The following WDFY4 variants were observed in gnomAD, a reference collection of about 807,000 sequenced individuals.
The protein encoded by WDFY4 is WD repeat- and FYVE domain-containing protein 4.
Under a neutral mutation model 351.9 loss-of-function variants are expected in WDFY4, and 169 were observed. That is an observed-to-expected ratio of 0.48 (90% confidence interval 0.42 to 0.55). WDFY4 has a LOEUF of 0.55. Among genes scored for constraint, WDFY4 ranks in the 20% least tolerant of loss-of-function variants. The pLI, the probability that WDFY4 is intolerant of heterozygous loss-of-function variation, is 0.00. For missense variants in WDFY4, 3,803 were observed against 3,935.6 expected (o/e 0.97, Z 0.90); for synonymous variants, 1,622 against 1,574.6 (o/e 1.03, Z -0.71).
At chr10:48,960,965 G>A (rs1445249263) in intron 53 of WDFY4, among the ~76,000 whole-genome samples, 1 of 152,224 alleles carries the variant, frequency 6.6e-6, no homozygotes, top group African/African-American at 2.4e-5. Context: ...GGGACTTTTT[G>A]AGCCGAGGGA....
intron 11 of WDFY4, among the ~76,000 whole-genome samples, chr10:48,740,035 C>T (rs1008551215): frequency 6.6e-6 from 1 of 152,138 alleles, no homozygotes; most frequent in African/African-American, 2.4e-5. Context: ...TAATCATTCT[C>T]CCTTCCTGAT....
At chr10:48,976,508 G>A in intron 58 of WDFY4, 1 of 230,268 alleles carries the variant, frequency 4.3e-6, no homozygotes, top group Non-Finnish European at 8.4e-6. Flanking sequence ...CAGTCAGGGT[G>A]TGGTTGGGGA....
chr10:48,774,610 C>T lies in WDFY4; in HGVS notation c.2706C>T (p.His902=). 1.3e-6 allele frequency: 2 copies of T among 1,551,746 alleles called. No homozygotes were observed. The highest frequency in any genetic ancestry group is 4.9e-5 in the East Asian group (2 of 40,924). Residue 902 remains histidine, a synonymous_variant, in exon 14 of 62, where the codon CAC becomes CAT. Transcript: ENST00000325239. Reference sequence around the variant, plus strand: ...TGGTCACCAGTGGCAGCCCCCTCCACTCACGCCTCATCAGGATCTTTGAGA... The same window carrying T: ...TGGTCACCAGTGGCAGCCCCCTCCATTCACGCCTCATCAGGATCTTTGAGA... The part of the protein sequence containing the change: ...RALVTSGSPL[H]SRLIRIFEKL...
chr10:48,778,575 A>G (rs1256429785), intron 17 of WDFY4, 36 bp from the exon 18 acceptor site: 1 of 1,542,396 alleles, frequency 6.5e-7, no homozygotes, highest in Non-Finnish European at 8.8e-7. Context: ...AGCAGGGCAG[A>G]ACAAAGCCTG....
intron 2 of WDFY4, among the ~76,000 whole-genome samples, chr10:48,713,971 C>T (rs1457675982): frequency 6.6e-6 from 1 of 152,212 alleles, no homozygotes; most frequent in Non-Finnish European, 1.5e-5. Context: ...TGAGCAGTTG[C>T]TTTCACTGAT....
intron 47 of WDFY4, among the ~76,000 whole-genome samples, chr10:48,934,004 G>C (rs1236874879): frequency 6.6e-6 from 1 of 152,050 alleles, no homozygotes; most frequent in Non-Finnish European, 1.5e-5. Flanking sequence ...GGCCCTGCAG[G>C]GTGGACAGCA....
At chr10:48,751,682 A>G (rs1251616632) in intron 12 of WDFY4, among the ~76,000 whole-genome samples, 1 of 152,164 alleles carries the variant, frequency 6.6e-6, no homozygotes, top group African/African-American at 2.4e-5. Context: ...TTTCTAATGC[A>G]TCCCTCAAGT....
intron 39 of WDFY4, among the ~76,000 whole-genome samples, chr10:48,849,591 T>A (rs953662107): frequency 6.6e-6 from 1 of 152,202 alleles, no homozygotes; most frequent in African/African-American, 2.4e-5. Flanking sequence ...AGGTTCACAG[T>A]GGGGGTTAGG....
At chr10:48,748,716 C>T (rs1565156978) in intron 12 of WDFY4, among the ~76,000 whole-genome samples, 1 of 152,072 alleles carries the variant, frequency 6.6e-6, no homozygotes, top group African/African-American at 2.4e-5. Flanking sequence ...GATACATGGC[C>T]CTTGACCTTC....
At chr10:48,848,554 G>T (rs1386406589) in intron 39 of WDFY4, among the ~76,000 whole-genome samples, 1 of 151,996 alleles carries the variant, frequency 6.6e-6, no homozygotes, top group African/African-American at 2.4e-5. Context: ...CTGACCCCTG[G>T]GGTATTTTAC....
intron 11 of WDFY4, among the ~76,000 whole-genome samples, chr10:48,741,452 CAAAAAAAAA>C (rs55984300): frequency 1.5e-5 from 1 of 66,306 alleles, no homozygotes; most frequent in Non-Finnish European, 2.5e-5. Context: ...GACTCCGTCT[CAAAAAAAAA>C]AAAAAAAAAA....
chr10:48,778,685 G>A lies in WDFY4; in HGVS notation c.3250G>A (p.Ala1084Thr). 6.4e-7 allele frequency: 1 copy of A among 1,551,634 alleles called. No homozygotes were observed. The highest frequency in any genetic ancestry group is 1.2e-5 in the South Asian group (1 of 84,054). ...CWFLISRHGA[A>T]TEGHPLRFLT... ...GTTCCTGATCAGCCGGCATGGAGCTGCCACTGAGGGCCACCCGCTGCGCTT... is the reference window on the plus strand; with the variant it reads ...GTTCCTGATCAGCCGGCATGGAGCTACCACTGAGGGCCACCCGCTGCGCTT... Residue 1084 changes from alanine (A) to threonine (T), a missense_variant, in exon 18 of 62, where the codon GCC (alanine) becomes ACC (threonine). Around this residue, in one of 3 missense-constraint regions of WDFY4, gnomAD observed 3,054 missense variants for 3,148.6 expected, o/e 0.97. Transcript: ENST00000325239.
In WDFY4 at chr10:48,736,074, AT is replaced by A. The variant is rs1386102010; in HGVS notation, c.1878+7del. 6.4e-7 allele frequency: 1 copy of A among 1,551,646 alleles called. No homozygotes were observed. Among genetic ancestry groups the A allele is most frequent in the Non-Finnish European group, 8.7e-7 (1 of 1,147,028 alleles). ...GCTGAAACTGGATCTCCTGAAGGTG[AT>A]TTCAAGTCCTCCTTTGAGATTGGCT... On this transcript the variant is annotated splice_donor_5th_base_variant and intron_variant, in intron 11 of 61. Coordinates refer to ENST00000325239, the MANE Select transcript of WDFY4 (RefSeq NM_001394531.1).
At chr10:48,817,445 T>G (rs1336568913) in intron 32 of WDFY4, 36 bp downstream of exon 32, 2 of 1,518,194 alleles carry the variant, frequency 1.3e-6, no homozygotes, top group East Asian at 5.0e-5. Context: ...GAGAGAGCAG[T>G]TGTGAGCATC....
intron 19 of WDFY4, among the ~76,000 whole-genome samples, chr10:48,784,980 C>T (rs559699770): frequency 1.3e-4 from 19 of 151,434 alleles, no homozygotes; most frequent in Admixed American, 1.2e-3. Flanking sequence ...GCCTCAGCCT[C>T]CCCAGTAGCT....
intron 2 of WDFY4, among the ~76,000 whole-genome samples, chr10:48,710,767 C>T (rs1194633254): frequency 1.3e-5 from 2 of 152,222 alleles, no homozygotes; most frequent in Non-Finnish European, 2.9e-5. Context: ...GAGCTTCACT[C>T]ACATCCCGGT....
rs577312946 is a variant in WDFY4 at position 48,824,265 on chromosome 10, G to A, written c.5982+1728G>A. On this transcript the variant is annotated intron_variant, in intron 35 of 61. Transcript: ENST00000325239. ...CTCTCTGACCCTTAGCCTCTTATCC[G>A]TACAGTGGGGTAACTTAGCGTCTAT... 3.1e-5 allele frequency: 26 copies of A among 834,400 alleles called. No homozygotes were observed. The East Asian group carries it at 9.9e-4, about 32-fold the overall frequency. 51.7% of individuals were successfully genotyped at this position (834,400 alleles called of 1,614,324 possible). A position where few individuals can be genotyped will look rare whatever the true frequency, so the allele number is the denominator to read the frequency against.
chr10:48,930,387 T>C (rs1564501502), intron 47 of WDFY4, among the ~76,000 whole-genome samples: 2 of 152,294 alleles, frequency 1.3e-5, no homozygotes, highest in South Asian at 2.1e-4. Flanking sequence ...AGGAATGCTT[T>C]CCAAATAGAC....
At chr10:48,972,314 C>A (rs770822209) in intron 57 of WDFY4, among the ~76,000 whole-genome samples, 18 of 152,158 alleles carry the variant, frequency 1.2e-4, no homozygotes, top group Non-Finnish European at 8.8e-5. Flanking sequence ...GATACTGCAA[C>A]GTTAAAGAGA....
Sources: gnomAD v4.1 joint callset for allele counts (sites outside exome capture counted in the v4.1 genomes callset) on GRCh38, gnomAD v4.1.1 for gene constraint, gnomAD v4.1.1 regional missense constraint, MANE v1.5 for transcripts, NCBI Gene and HGNC (gene_info 2026-07-23, HGNC 2026-07-21) for gene names.